RIMS2: variants seen among roughly 807,000 people sequenced by gnomAD.
RIMS2 encodes regulating synaptic membrane exocytosis protein 2.
RIMS2 carries 59 observed loss-of-function variants against 174.4 expected under a neutral mutation model. That is an observed-to-expected ratio of 0.34 (90% CI 0.27 to 0.42). The LOEUF (loss-of-function observed/expected upper bound fraction) is 0.42. Ranked by LOEUF, RIMS2 falls within the 10% of genes least tolerant of loss-of-function variation. The probability of loss-of-function intolerance (pLI) is 1.00; values close to 1 mark genes in which losing one functional copy is unlikely to be tolerated. For missense variants in RIMS2, 1,620 were observed against 1,666.3 expected (o/e 0.97, Z 0.48); for synonymous variants, 606 against 572.5 (o/e 1.06, Z -0.84).
intron 19 of RIMS2, among the ~76,000 whole-genome samples, chr8:104,195,508 T>TA (rs747535594): frequency 1.5e-4 from 19 of 130,082 alleles, no homozygotes; most frequent in Non-Finnish European, 2.5e-4. Flanking sequence ...GGCAAAATTT[T>TA]ATCTCCTTTT....
intron 3 of RIMS2, among the ~76,000 whole-genome samples, chr8:103,838,332 G>T (rs2154484717): frequency 6.6e-6 from 1 of 152,158 alleles, no homozygotes; most frequent in Admixed American, 6.5e-5. Context: ...CTGCTAGCAA[G>T]GTTTAAACCA....
At chr8:103,779,280 G>A (rs1334161762) in intron 3 of RIMS2, among the ~76,000 whole-genome samples, 2 of 151,870 alleles carry the variant, frequency 1.3e-5, no homozygotes, top group Non-Finnish European at 2.9e-5. Flanking sequence ...TTTTTGCTTT[G>A]GCTGCCTGTG....
At chr8:104,100,006 C>T (rs540741826) in intron 19 of RIMS2, among the ~76,000 whole-genome samples, 74 of 151,540 alleles carry the variant, frequency 4.9e-4, no homozygotes, top group Non-Finnish European at 7.4e-4. Flanking sequence ...TTTTTTGTAG[C>T]GACGGGGTTT....
chr8:104,108,437 A>G (rs1201588431), intron 19 of RIMS2, among the ~76,000 whole-genome samples: 1 of 151,860 alleles, frequency 6.6e-6, no homozygotes, highest in Admixed American at 6.6e-5. Context: ...GACTACAGGC[A>G]TGCACCACCA....
intron 19 of RIMS2, among the ~76,000 whole-genome samples, chr8:104,239,653 T>A (rs138075914): frequency 1.3e-5 from 2 of 152,214 alleles, no homozygotes; most frequent in Non-Finnish European, 2.9e-5. Context: ...TAAGTCATAA[T>A]AGGATATTTT....
At chr8:103,705,068 T>A (rs1350238370) in intron 2 of RIMS2, among the ~76,000 whole-genome samples, 1 of 152,048 alleles carries the variant, frequency 6.6e-6, no homozygotes, top group Non-Finnish European at 1.5e-5. Flanking sequence ...GTCTTCCTAC[T>A]TTTTTGACTT....
chr8:103,885,565 G>A (rs1441044398), exon 4 of RIMS2: 7 of 1,612,674 alleles, frequency 4.3e-6, no homozygotes, highest in South Asian at 1.1e-5. Context: ...AATACGAAAG[G>A]CAAAGGAGAG....
At chr8:104,036,547 A>G (rs2096521787) in intron 19 of RIMS2, among the ~76,000 whole-genome samples, 1 of 152,122 alleles carries the variant, frequency 6.6e-6, no homozygotes, top group Non-Finnish European at 1.5e-5. Context: ...AAAGTCAGGG[A>G]AAAACAGCAC....
chr8:103,524,118 T>C (rs1832907091), intron 1 of RIMS2, among the ~76,000 whole-genome samples: 3 of 152,302 alleles, frequency 2.0e-5, no homozygotes, highest in South Asian at 2.1e-4. Flanking sequence ...TTTGAACTGC[T>C]GATTGTTTCA....
intron 1 of RIMS2, among the ~76,000 whole-genome samples, chr8:103,540,437 A>G (rs747349825): frequency 3.3e-5 from 5 of 152,152 alleles, no homozygotes; most frequent in Non-Finnish European, 5.9e-5. Context: ...CAGAGACAAC[A>G]TAGCGGCACC....
intron 1 of RIMS2, among the ~76,000 whole-genome samples, chr8:103,640,567 C>T (rs2096207388): frequency 6.6e-6 from 1 of 151,962 alleles, no homozygotes; most frequent in African/African-American, 2.4e-5. Flanking sequence ...TGTATTTTCA[C>T]TTTCATTTAG....
intron 19 of RIMS2, among the ~76,000 whole-genome samples, chr8:104,032,126 T>C (rs1438665589): frequency 1.3e-5 from 2 of 152,048 alleles, no homozygotes; most frequent in Non-Finnish European, 2.9e-5. Flanking sequence ...AAAAGTACAA[T>C]AAAAGCTCAA....
chr8:103,979,450 T>C (rs1009226843), intron 16 of RIMS2, among the ~76,000 whole-genome samples: 1 of 152,298 alleles, frequency 6.6e-6, no homozygotes, highest in East Asian at 1.9e-4. Flanking sequence ...GGAACTACCA[T>C]ATGATTCAGC....
intron 1 of RIMS2, among the ~76,000 whole-genome samples, chr8:103,637,064 G>A (rs2096104300): frequency 6.6e-6 from 1 of 152,124 alleles, no homozygotes; most frequent in Non-Finnish European, 1.5e-5. Context: ...AGGGCTAGTG[G>A]TGGGTCATTT....
Position 103,611,963 on chromosome 8 carries a change from TTTTTA to T in RIMS2, c.177-85118_177-85114del, listed in dbSNP as rs376390752. 9.7e-3 allele frequency among the ~76,000 whole-genome samples: 1,011 copies of T among 104,540 alleles called. 15 individuals carry two copies. The highest frequency in any genetic ancestry group is 0.036 in the African/African-American group (903 of 24,794). 68.6% of individuals were successfully genotyped at this position (104,540 alleles called of 152,430 possible). A position where few individuals can be genotyped will look rare whatever the true frequency, so the allele number is the denominator to read the frequency against. ...AGATCTTGTAGGCATACTTCATTGT[TTTTTA>T]TTTTTTTTCTCTTTTGTCTTCTCTG... On this transcript the variant is annotated intron_variant, in intron 1 of 23. Coordinates refer to ENST00000504942, the Ensembl canonical transcript of RIMS2.
At chr8:103,908,752 G>T (rs374567223) in intron 4 of RIMS2, among the ~76,000 whole-genome samples, 19 of 152,170 alleles carry the variant, frequency 1.2e-4, no homozygotes, top group African/African-American at 4.6e-4. Context: ...TTTCCCAAGG[G>T]TTATTGTAAA....
intron 3 of RIMS2, among the ~76,000 whole-genome samples, chr8:103,828,829 T>C (rs2098807478): frequency 6.6e-6 from 1 of 152,180 alleles, no homozygotes; most frequent in South Asian, 2.1e-4. Flanking sequence ...GGAGTCCCCT[T>C]TCCCCATTGC....
chr8:103,605,270 G>C (rs1334276530), intron 1 of RIMS2, among the ~76,000 whole-genome samples: 1 of 142,208 alleles, frequency 7.0e-6, no homozygotes, highest in Non-Finnish European at 1.5e-5. Flanking sequence ...TGTGGTTTTT[G>C]TCTTTGGCTC....
At chr8:104,002,646 G>T (rs1005028589) in intron 17 of RIMS2, among the ~76,000 whole-genome samples, 3 of 152,098 alleles carry the variant, frequency 2.0e-5, no homozygotes, top group Non-Finnish European at 4.4e-5. Context: ...CTTCAGTTGG[G>T]CCATAGTTTG....
Sources: allele counts gnomAD v4.1 joint callset (sites outside exome capture counted in the v4.1 genomes callset), GRCh38; gene constraint gnomAD v4.1.1; transcripts MANE v1.5; gene names NCBI Gene and HGNC (gene_info 2026-07-23, HGNC 2026-07-21).